The following ABCA2 variants were observed in gnomAD, a reference collection of about 807,000 sequenced individuals.
ABCA2 encodes ATP-binding cassette sub-family A member 2.
A neutral mutation model predicts 262.8 loss-of-function variants in ABCA2; 84 were observed. The ratio of observed to expected loss-of-function variants is 0.32; its 90% confidence interval spans 0.27 to 0.38. The LOEUF is 0.38. Among genes scored for constraint, ABCA2 ranks in the 10% least tolerant of loss-of-function variants. ABCA2 has a pLI of 1.00. For synonymous variants in ABCA2, 1,696 were observed against 1,502.9 expected (o/e 1.13, Z -2.97); for missense variants, 2,662 against 3,405.9 (o/e 0.78, Z 5.44).
At chr9:137,016,812 A>T in intron 19 of ABCA2, 74 bp from the exon 20 acceptor site, 3 of 1,544,120 alleles carry the variant, frequency 1.9e-6, no homozygotes, top group Non-Finnish European at 1.7e-6. Context: ...CCACGTGCCC[A>T]CCCAGGGAGC....
rs1004441736 is a variant in ABCA2 at position 137,007,462 on chromosome 9, G to C, written c.*467C>G. ...GCAGGACAGCCACCTCCCTGCAGGA[G>C]AGCAGGGCCAGAGGAGCCTCTTCTC... On this transcript the variant is annotated 3_prime_UTR_variant, in exon 49 of 49. Coordinates refer to ENST00000341511, the MANE Select transcript of ABCA2 (RefSeq NM_001606.5). The C allele has an allele frequency of 1.2e-5, 2 of 167,326 alleles. No individual in the cohort carries two copies. Among genetic ancestry groups the C allele is most frequent in the African/African-American group, 2.4e-5 (1 of 41,556 alleles). 10.4% of individuals were successfully genotyped at this position (167,326 alleles called of 1,614,324 possible).
chr9:137,024,273 C>A, intron 1 of ABCA2, 37 bp from the exon 2 acceptor site: 1 of 1,540,360 alleles, frequency 6.5e-7, no homozygotes, highest in South Asian at 1.2e-5. Flanking sequence ...TAGGACAGAC[C>A]TGTGCTCGCC....
At chr9:137,022,081 G>GT (rs1831478306) in intron 6 of ABCA2, 80 bp from the exon 7 acceptor site, 1 of 837,034 alleles carries the variant, frequency 1.2e-6, no homozygotes, top group Non-Finnish European at 1.8e-6. Flanking sequence ...CGATGGACGT[G>GT]TGGGGGCGTG....
At chr9:137,014,444 T>G (rs1831181990) in intron 26 of ABCA2, 40 bp from the exon 27 acceptor site, 1 of 1,545,418 alleles carries the variant, frequency 6.5e-7, no homozygotes, top group Non-Finnish European at 8.7e-7. Flanking sequence ...TCAGGGCTAC[T>G]GGCCCCTAGG....
Position 137,020,893 on chromosome 9 carries a change from T to C in ABCA2, c.1066A>G (p.Thr356Ala). 6.4e-7 allele frequency: 1 copy of C among 1,552,470 alleles called. No individual in the cohort carries two copies. The highest frequency in any genetic ancestry group is 8.7e-7 in the Non-Finnish European group (1 of 1,148,136). ...LLPQGACTGR[T>A]PGPPASGAGG... The stretch of plus-strand genomic sequence containing the variant: ...GCACCACTGGCTGGGGGTCCGGGGG[T>C]CCGGCCAGTGCAGGCACCCTGGGGC... The change falls in exon 9 of 49, where the codon ACC becomes GCC. Residue 356 changes from threonine to alanine, a missense_variant. Transcript: ENST00000341511.
chr9:137,017,735 G>A lies in ABCA2; in HGVS notation c.2212-43C>T, dbSNP rs773433057. 2.4e-5 allele frequency: 39 copies of A among 1,607,616 alleles called. No individual in the cohort carries two copies. In the East Asian group the frequency reaches 5.1e-4, roughly 21 times the overall value. Reference sequence around the variant, plus strand: ...GCTTGGGGCAGGCCCCGGGGAGGACGCCGCCCCTCCCTGCCAGCCCGCGCC... The same window carrying A: ...GCTTGGGGCAGGCCCCGGGGAGGACACCGCCCCTCCCTGCCAGCCCGCGCC... On this transcript the variant is annotated intron_variant, in intron 16 of 48. Transcript: ENST00000341511.
In ABCA2 at chr9:137,016,741, G is replaced by C; in HGVS notation, c.2759-3C>G. The stretch of plus-strand genomic sequence containing the variant: ...GGGCCGGGGCAGCCCGTACATGCCT[G>C]GGGGTCGGGGAGGGGAGGGGAGGCT... On this transcript the variant is annotated splice_region_variant and splice_polypyrimidine_tract_variant and intron_variant, in intron 19 of 48. Transcript: ENST00000341511. 1 of 1,545,994 alleles carries C rather than the reference G, an allele frequency of 6.5e-7. No individual in the cohort carries two copies. Among genetic ancestry groups the C allele is most frequent in the Non-Finnish European group, 8.7e-7 (1 of 1,149,080 alleles).
At position 137,014,346 on chromosome 9, in the gene ABCA2, C is replaced by G. The variant is rs1831178680; in HGVS notation, c.4062G>C (p.Glu1354Asp). Residue 1354 changes from glutamate (E) to aspartate (D), a missense_variant, in exon 27 of 49, where the codon GAG becomes GAC. Around this residue, in one of 12 missense-constraint regions of ABCA2, gnomAD observed 297 missense variants for 286.5 expected, o/e 1.04. Coordinates refer to ENST00000341511, the MANE Select transcript of ABCA2 (RefSeq NM_001606.5). ...ACCGGGCCAGATTGCCAGCGTGACC[C>G]TCCCCAGACGCCGGGCCCTCCGCCC... ...LPGAEGPASGEGHAGNLARCS... is the reference protein window; with the variant it reads ...LPGAEGPASGDGHAGNLARCS... 3.1e-6 allele frequency: 5 copies of G among 1,605,104 alleles called. No homozygotes were observed. Among genetic ancestry groups the G allele is most frequent in the Non-Finnish European group, 4.2e-6 (5 of 1,176,552 alleles).
At chr9:137,013,626 C>A in intron 28 of ABCA2, 63 bp from the exon 29 acceptor site, 1 of 1,500,292 alleles carries the variant, frequency 6.7e-7, no homozygotes, top group Non-Finnish European at 9.1e-7. Flanking sequence ...CCCCAAGCCT[C>A]GGTCCCCTTC....
At chr9:137,008,022 G>A in intron 48 of ABCA2, 58 bp from the exon 49 acceptor site, 1 of 1,576,670 alleles carries the variant, frequency 6.3e-7, no homozygotes, top group Non-Finnish European at 8.6e-7. Context: ...TGCTGGGGCT[G>A]AGGACACTTG....
At chr9:137,018,396 CCAA>C (rs1831336919) in intron 13 of ABCA2, 45 bp from the exon 14 acceptor site, 1 of 1,341,240 alleles carries the variant, frequency 7.5e-7, no homozygotes, top group Non-Finnish European at 9.8e-7. Flanking sequence ...AGGGGCGGGA[CCAA>C]GGCGTGGTGG....
In ABCA2 at chr9:137,015,729, C is replaced by T. The variant is rs376990200; in HGVS notation, c.3460G>A (p.Val1154Met). The change falls in exon 23 of 49, where the codon GTG becomes ATG. Residue 1154 changes from valine (V) to methionine (M), a missense_variant. Physicochemically the swap from Val to Met is conservative, Grantham distance 21. Coordinates refer to ENST00000341511, the MANE Select transcript of ABCA2 (RefSeq NM_001606.5). Reference protein sequence around the residue: ...AIILDEPTAGVDPYARRAIWD... With the variant: ...AIILDEPTAGMDPYARRAIWD... ...ATGGCGCGGCGCGCGTAGGGGTCCA[C>T]GCCCGCCGTGGGCTCGTCCAGGATG... 1.2e-5 allele frequency: 20 copies of T among 1,611,688 alleles called. No individual in the cohort carries two copies. The highest frequency in any genetic ancestry group is 1.1e-4 in the East Asian group (5 of 44,862).
rs1386873084 is a variant in ABCA2, at chr9:137,012,823, C to T, written c.4970G>A (p.Gly1657Asp). The change falls in exon 31 of 49, where the codon GGC (glycine) becomes GAC (aspartate). Residue 1657 changes from glycine (G) to aspartate (D), a missense_variant. Coordinates refer to ENST00000341511, the MANE Select transcript of ABCA2 (RefSeq NM_001606.5). ...GTGFSCPSSV[G>D]GHPPQMRVVT... Reference sequence around the variant, plus strand: ...CACCCGCATCTGGGGCGGGTGCCCGCCCACACTGCTGGGGCAGGAGAAGCC... The same window carrying T: ...CACCCGCATCTGGGGCGGGTGCCCGTCCACACTGCTGGGGCAGGAGAAGCC... 1 of 1,611,394 alleles carries T rather than the reference C, an allele frequency of 6.2e-7. No individual in the cohort carries two copies.
chr9:137,023,402 G>C, intron 3 of ABCA2: 1 of 710,306 alleles, frequency 1.4e-6, no homozygotes, highest in South Asian at 1.4e-5. Context: ...GCCCAGGGGA[G>C]GACAAAGGAC....
rs1831161935 is a variant in ABCA2, at chr9:137,013,955, C to G, written c.4324G>C (p.Gly1442Arg). Residue 1442 changes from glycine to arginine, a missense_variant, in exon 28 of 49, where the codon GGG becomes CGG. Transcript: ENST00000341511. ...GGWLKVRQFH[G>R]LLVKRFHCAR... ...CAGTGGAAGCGTTTGACCAGCAGCC[C>G]GTGGAACTGGCGCACCTTCAGCCAC... 1 of 1,612,102 alleles carries G rather than the reference C, an allele frequency of 6.2e-7. No individual in the cohort carries two copies. The highest frequency in any genetic ancestry group is 1.3e-5 in the African/African-American group (1 of 74,914).
intron 27 of ABCA2, 64 bp from the exon 28 acceptor site, chr9:137,014,102 CAT>C: frequency 1.3e-6 from 2 of 1,591,292 alleles, no homozygotes; most frequent in South Asian, 2.2e-5. Context: ...TGGCTGCCCT[CAT>C]GCCGCTCCCC....
In ABCA2 at chr9:137,024,232, AC is replaced by A; in HGVS notation, c.70del (p.Val24SerfsTer28). 6.2e-7 allele frequency: 1 copy of A among 1,609,422 alleles called. No homozygotes were observed. The highest frequency in any genetic ancestry group is 8.5e-7 in the Non-Finnish European group (1 of 1,178,120). Reference sequence around the variant, plus strand: ...GGGGATGAAGATCTCGAAGGCCAGGACCCACTGGAAAGGGTGGGCCCAGTGA... The same window carrying A: ...GGGGATGAAGATCTCGAAGGCCAGGACCACTGGAAAGGGTGGGCCCAGTGA... ...NVTLKRRSPWVLAFEIFIPLV... is the reference protein window; with the variant it reads ...NVTLKRRSPWXLAFEIFIPLV... On this transcript the variant is annotated frameshift_variant, in exon 2 of 49. Transcript: ENST00000341511. LOFTEE classifies it high-confidence loss of function.
chr9:137,016,066 C>T lies in ABCA2; in HGVS notation c.3213G>A (p.Pro1071=), dbSNP rs371299457. The part of the protein sequence containing the change: ...DEIRKNLGMC[P]QHNVLFDRLT... Reference sequence around the variant, plus strand: ...GCCGGTCAAAGAGCACATTGTGCTGCGGGCACATGCCCAGGTTCTTGCGGA... The same window carrying T: ...GCCGGTCAAAGAGCACATTGTGCTGTGGGCACATGCCCAGGTTCTTGCGGA... The change falls in exon 22 of 49, where the codon CCG becomes CCA. Residue 1071 remains proline (P), a synonymous_variant. Transcript: ENST00000341511. 50 of 1,612,698 alleles carry T rather than the reference C, an allele frequency of 3.1e-5. 1 individual carries two copies. The African/African-American group carries it at 4.8e-4, about 15-fold the overall frequency.
intron 19 of ABCA2, 44 bp from the exon 20 acceptor site, chr9:137,016,782 G>T: frequency 6.5e-7 from 1 of 1,542,290 alleles, no homozygotes; most frequent in Non-Finnish European, 8.7e-7. Flanking sequence ...AGGGCCTGGG[G>T]TGACCATCCA....
Sources: gnomAD v4.1 joint callset for allele counts on GRCh38, gnomAD v4.1.1 for gene constraint, gnomAD v4.1.1 regional missense constraint, MANE v1.5 for transcripts, NCBI Gene and HGNC (gene_info 2026-07-23, HGNC 2026-07-21) for gene names.